SNTG1: variants seen among roughly 807,000 people sequenced by gnomAD.
SNTG1 encodes the protein syntrophin gamma 1.
SNTG1 carries 39 observed loss-of-function variants against 74.7 expected under a neutral mutation model. That is an observed-to-expected ratio of 0.52 (90% CI 0.40 to 0.68). The LOEUF (loss-of-function observed/expected upper bound fraction) is 0.68. SNTG1 is among the 30% of genes least tolerant of loss of function. SNTG1 has a pLI of 0.00. For missense variants in SNTG1, 685 were observed against 609.5 expected (o/e 1.12, Z -1.30); for synonymous variants, 254 against 217.1 (o/e 1.17, Z -1.49).
At chr8:50,352,327 G>A (rs1194707288) in intron 2 of SNTG1, among the ~76,000 whole-genome samples, 1 of 151,946 alleles carries the variant, frequency 6.6e-6, no homozygotes, top group Admixed American at 6.6e-5. Flanking sequence ...TGAACTCCTG[G>A]GATCCCCCAG....
intron 1 of SNTG1, among the ~76,000 whole-genome samples, chr8:50,089,921 G>A (rs192597320): frequency 6.6e-6 from 1 of 152,154 alleles, no homozygotes; most frequent in Admixed American, 6.5e-5. Context: ...ATACCCAAAT[G>A]ACTATAAATC....
chr8:50,470,181 C>A (rs1437930667), intron 8 of SNTG1, among the ~76,000 whole-genome samples: 1 of 152,158 alleles, frequency 6.6e-6, no homozygotes, highest in Non-Finnish European at 1.5e-5. Context: ...AAGTTCTCTA[C>A]AAAATAGAAT....
At chr8:50,717,585 T>C (rs1338498393) in intron 17 of SNTG1, among the ~76,000 whole-genome samples, 1 of 152,216 alleles carries the variant, frequency 6.6e-6, no homozygotes, top group East Asian at 1.9e-4. Context: ...CAACATATCC[T>C]TTCATCTATA....
chr8:50,434,744 A>G (rs1223779389), intron 4 of SNTG1, among the ~76,000 whole-genome samples: 1 of 152,152 alleles, frequency 6.6e-6, no homozygotes, highest in Admixed American at 6.6e-5. Context: ...ATTAGAGGCC[A>G]TCATCCTCAT....
intron 15 of SNTG1, among the ~76,000 whole-genome samples, chr8:50,702,569 C>T (rs2095429833): frequency 1.3e-5 from 2 of 152,190 alleles, no homozygotes; most frequent in Admixed American, 6.5e-5. Flanking sequence ...TAATGATACA[C>T]TTACATCCCT....
chr8:49,943,307 C>A (rs1055283034), intron 1 of SNTG1, among the ~76,000 whole-genome samples: 1 of 151,910 alleles, frequency 6.6e-6, no homozygotes, highest in Admixed American at 6.6e-5. Context: ...AGAAACTGGC[C>A]AATTAAAGAA....
chr8:50,727,614 T>C (rs1264539822), intron 17 of SNTG1, among the ~76,000 whole-genome samples: 1 of 152,158 alleles, frequency 6.6e-6, no homozygotes, highest in Non-Finnish European at 1.5e-5. Context: ...AGTGAGATGA[T>C]AAATAGCCCC....
At chr8:50,347,115 T>C (rs1345682355) in intron 2 of SNTG1, among the ~76,000 whole-genome samples, 1 of 152,220 alleles carries the variant, frequency 6.6e-6, no homozygotes, top group Non-Finnish European at 1.5e-5. Context: ...TAGGACTTTC[T>C]CAAATAGAGA....
intron 1 of SNTG1, among the ~76,000 whole-genome samples, chr8:49,982,142 T>A (rs887034900): frequency 6.6e-6 from 1 of 152,122 alleles, no homozygotes; most frequent in South Asian, 2.1e-4. Flanking sequence ...CCACATGAAA[T>A]CACTTATAAA....
chr8:50,071,730 G>A lies in SNTG1; in HGVS notation c.-102-100831G>A, dbSNP rs565929961. Among the ~76,000 whole-genome samples the A allele has an allele frequency of 1.8e-4, 28 of 151,386 alleles. 1 individual carries two copies. In the East Asian group the frequency reaches 4.9e-3, roughly 26 times the overall value. On this transcript the variant is annotated intron_variant, in intron 1 of 18. Coordinates refer to ENST00000642720, the MANE Select transcript of SNTG1 (RefSeq NM_018967.5). ...TGACCTCAGATGATCCGCCTGCCTC[G>A]GCCTCCCAAAGTGCTGGGGTTACAG...
chr8:50,524,589 A>G (rs1163783974), intron 9 of SNTG1, among the ~76,000 whole-genome samples: 1 of 152,122 alleles, frequency 6.6e-6, no homozygotes, highest in African/African-American at 2.4e-5. Context: ...CAAATTCCAC[A>G]TCTGTGAATT....
intron 13 of SNTG1, among the ~76,000 whole-genome samples, chr8:50,596,721 T>C (rs1437341022): frequency 6.6e-6 from 1 of 152,092 alleles, no homozygotes. Flanking sequence ...GTAAGTCCCC[T>C]AGCTTTGTAA....
At chr8:49,996,165 G>C (rs1396859407) in intron 1 of SNTG1, among the ~76,000 whole-genome samples, 1 of 151,852 alleles carries the variant, frequency 6.6e-6, no homozygotes, top group Non-Finnish European at 1.5e-5. Flanking sequence ...CATTTTCTCA[G>C]ATTTATATAT....
chr8:50,099,309 G>T (rs1371329122), intron 1 of SNTG1, among the ~76,000 whole-genome samples: 2 of 152,002 alleles, frequency 1.3e-5, no homozygotes, highest in South Asian at 4.1e-4. Flanking sequence ...AGTGTCTGTG[G>T]CTAAAATGCA....
Position 50,734,501 on chromosome 8 carries a change from A to AT in SNTG1, c.1285-17496dup, listed in dbSNP as rs1365876995. On this transcript the variant is annotated intron_variant, in intron 17 of 18. Transcript: ENST00000642720. ...TCCCATCATTATTGACATATCTATG[A>AT]TTTTAATGTTTCACTATGTATTTTT... Among the ~76,000 whole-genome samples, 7 of 146,532 alleles carry AT rather than the reference A, an allele frequency of 4.8e-5. No individual in the cohort carries two copies. The East Asian group carries it at 1.4e-3, about 29-fold the overall frequency.
intron 18 of SNTG1, among the ~76,000 whole-genome samples, chr8:50,782,808 CCT>C (rs1430557501): frequency 2.6e-5 from 4 of 152,098 alleles, no homozygotes; most frequent in Non-Finnish European, 5.9e-5. Flanking sequence ...TAGTTTTTCT[CCT>C]CTGTTTTTCC....
chr8:50,409,565 A>C (rs1207092525), intron 4 of SNTG1, among the ~76,000 whole-genome samples: 1 of 152,172 alleles, frequency 6.6e-6, no homozygotes, highest in Non-Finnish European at 1.5e-5. Context: ...TAGATGTGTT[A>C]AAGCTTCAGT....
intron 15 of SNTG1, among the ~76,000 whole-genome samples, chr8:50,702,012 G>A (rs766252243): frequency 2.2e-4 from 33 of 151,714 alleles, no homozygotes; most frequent in Non-Finnish European, 7.4e-5. Flanking sequence ...CACCATGTCC[G>A]GCTAATTTTT....
chr8:50,425,489 A>G (rs1455587086), intron 4 of SNTG1, among the ~76,000 whole-genome samples: 1 of 152,114 alleles, frequency 6.6e-6, no homozygotes, highest in Non-Finnish European at 1.5e-5. Flanking sequence ...TTGCAGGAAA[A>G]CAAGCTGAGG....
Sources: allele counts gnomAD v4.1 joint callset (sites outside exome capture counted in the v4.1 genomes callset), GRCh38; gene constraint gnomAD v4.1.1; transcripts MANE v1.5; gene names NCBI Gene and HGNC (gene_info 2026-07-23, HGNC 2026-07-21).